Variants in SLC20A2 observed in about 807,000 individuals in gnomAD.
SLC20A2 encodes sodium-dependent phosphate transporter 2.
In SLC20A2, 30 loss-of-function variants were observed where a neutral mutation model predicts 61.0. That is an observed-to-expected ratio of 0.49 (90% confidence interval 0.37 to 0.67). SLC20A2 has a LOEUF of 0.67. SLC20A2 is among the 30% of genes least tolerant of loss of function. The probability of loss-of-function intolerance (pLI) is 0.00; values close to 1 mark genes in which losing one functional copy is unlikely to be tolerated. For synonymous variants in SLC20A2, 351 were observed against 353.3 expected (o/e 0.99, Z 0.07); for missense variants, 626 against 866.4 (o/e 0.72, Z 3.48).
chr8:42,460,099 C>T, intron 4 of SLC20A2, 107 bp from the exon 5 acceptor site: 1 of 660,634 alleles, frequency 1.5e-6, no homozygotes. Context: ...TCTTCCCAAA[C>T]CCCAGTGTGG....
intron 1 of SLC20A2, among the ~76,000 whole-genome samples, chr8:42,525,978 G>C (rs954362543): frequency 6.6e-6 from 1 of 152,178 alleles, no homozygotes; most frequent in Non-Finnish European, 1.5e-5. Context: ...GATAGATACA[G>C]CTCCTGTACA....
At chr8:42,517,083 G>A (rs1032945431) in intron 1 of SLC20A2, among the ~76,000 whole-genome samples, 3 of 152,116 alleles carry the variant, frequency 2.0e-5, no homozygotes, top group African/African-American at 7.2e-5. Context: ...AACCTATTCA[G>A]ATCATTCTGA....
chr8:42,454,952 G>A (rs1034927099), intron 5 of SLC20A2, among the ~76,000 whole-genome samples: 1 of 151,914 alleles, frequency 6.6e-6, no homozygotes, highest in African/African-American at 2.4e-5. Flanking sequence ...ATAGCTGGGC[G>A]CGGTGGCTCA....
rs900251578 is a variant in SLC20A2, at chr8:42,530,872, C to T, written c.-265+10949G>A. Among the ~76,000 whole-genome samples the T allele has an allele frequency of 4.2e-4, 64 of 152,116 alleles. 2 individuals carry two copies. Among genetic ancestry groups the T allele is most frequent in the Admixed American group, 1.4e-3 (21 of 15,258 alleles). On this transcript the variant is annotated intron_variant, in intron 1 of 10. Transcript: ENST00000342228. ...CTGGGATTACAGATGCCCGCCACCA[C>T]GCCTTGCTAATTTTCTTTGTATTTT...
chr8:42,499,188 C>A (rs1810156723), intron 1 of SLC20A2, among the ~76,000 whole-genome samples: 1 of 152,212 alleles, frequency 6.6e-6, no homozygotes, highest in Middle Eastern at 3.4e-3. Flanking sequence ...ACTCCTCCTG[C>A]GGCCACAAAG....
At chr8:42,465,058 C>T (rs947962671) in intron 3 of SLC20A2, among the ~76,000 whole-genome samples, 3 of 151,888 alleles carry the variant, frequency 2.0e-5, no homozygotes, top group Non-Finnish European at 2.9e-5. Context: ...TTACTCATAC[C>T]ATCTACGTCT....
chr8:42,443,523 G>T (rs1804967029), intron 6 of SLC20A2, among the ~76,000 whole-genome samples: 1 of 151,646 alleles, frequency 6.6e-6, no homozygotes, highest in African/African-American at 2.4e-5. Context: ...TATTTACCTT[G>T]TTGGTTAGGC....
At chr8:42,438,598 G>A (rs929918816) in intron 7 of SLC20A2, among the ~76,000 whole-genome samples, 1 of 152,242 alleles carries the variant, frequency 6.6e-6, no homozygotes, top group East Asian at 1.9e-4. Flanking sequence ...GCAGGTGCCA[G>A]AACCCACCTT....
At chr8:42,448,250 A>G (rs1805383256) in intron 5 of SLC20A2, among the ~76,000 whole-genome samples, 1 of 152,262 alleles carries the variant, frequency 6.6e-6, no homozygotes, top group African/African-American at 2.4e-5. Context: ...CTTTCGGCTT[A>G]GCGCTACTGC....
intron 1 of SLC20A2, among the ~76,000 whole-genome samples, chr8:42,514,751 CTGTT>C (rs1239962472): frequency 6.9e-6 from 1 of 145,890 alleles, no homozygotes; most frequent in African/African-American, 2.6e-5. Flanking sequence ...GAGTAATACT[CTGTT>C]TGAAAAAAAA....
chr8:42,457,823 C>T (rs1806336742), intron 5 of SLC20A2, among the ~76,000 whole-genome samples: 2 of 152,066 alleles, frequency 1.3e-5, no homozygotes, highest in Non-Finnish European at 2.9e-5. Context: ...CTGAACACTA[C>T]ACAGATACCA....
Position 42,472,185 on chromosome 8 carries a change from G to A in SLC20A2, c.206C>T (p.Thr69Ile). 1.2e-6 allele frequency: 2 copies of A among 1,614,112 alleles called. No individual in the cohort carries two copies. The highest frequency in any genetic ancestry group is 1.7e-6 in the Non-Finnish European group (2 of 1,180,024). The change falls in exon 2 of 11, where the codon ACC becomes ATC. Residue 69 changes from threonine (T) to isoleucine (I), a missense_variant. This residue lies in a region of SLC20A2 where 127 missense variants were observed against 215.4 expected (regional missense o/e 0.59). Transcript: ENST00000520262. This position sits in a 1 kb window ranked among gnomAD's most constrained non-coding sequence, Gnocchi z 4.1. ...SVLLGAKVGETIRKGIIDVNL... is the reference protein window; with the variant it reads ...SVLLGAKVGEIIRKGIIDVNL... ...CACGTCAATGATACCTTTGCGAATG[G>A]TTTCTCCTACTTTGGCGCCTAGTAA...
At chr8:42,528,127 A>G (rs1812092195) in intron 1 of SLC20A2, among the ~76,000 whole-genome samples, 1 of 152,208 alleles carries the variant, frequency 6.6e-6, no homozygotes, top group African/African-American at 2.4e-5. Context: ...AAAGGTGTAT[A>G]CCACAGGATA....
chr8:42,439,545 T>A lies in SLC20A2; in HGVS notation c.839A>T (p.Asn280Ile). The change falls in exon 7 of 11, where the codon AAT becomes ATT. Residue 280 changes from asparagine (N) to isoleucine (I), a missense_variant. Physicochemically the swap from Asn to Ile is moderately radical, Grantham distance 149. Coordinates refer to ENST00000520262, the MANE Select transcript of SLC20A2 (RefSeq NM_001257180.2). ...VFKELPGAKA[N>I]DDSTIPLTGA... is the part of the protein sequence containing the mutation. ...CGTGAGCGGGATGGTGCTGTCATCA[T>A]TAGCCTTGGCACCTGGTAGCTCTTT... 1.2e-6 allele frequency: 2 copies of A among 1,614,196 alleles called. No individual in the cohort carries two copies. The highest frequency in any genetic ancestry group is 4.5e-5 in the East Asian group (2 of 44,886).
At position 42,465,921 on chromosome 8, in the gene SLC20A2, C is replaced by T. The variant is rs765299901; in HGVS notation, c.290-4G>A. On this transcript the variant is annotated splice_region_variant and splice_polypyrimidine_tract_variant and intron_variant, in intron 2 of 10. Transcript: ENST00000520262. ...ATCAGCTGCCACACAGCGGAACCTA[C>T]AGATTGAAGGACAAAAAACCATCAG... 1.2e-6 allele frequency: 2 copies of T among 1,608,084 alleles called. No individual in the cohort carries two copies. The highest frequency in any genetic ancestry group is 1.7e-6 in the Non-Finnish European group (2 of 1,178,472).
intron 1 of SLC20A2, among the ~76,000 whole-genome samples, chr8:42,487,850 C>A (rs1273981677): frequency 6.6e-6 from 1 of 152,146 alleles, no homozygotes. Flanking sequence ...CCACAGAACT[C>A]CTTTCATTTT....
At chr8:42,495,137 G>A (rs529061690) in intron 1 of SLC20A2, among the ~76,000 whole-genome samples, 271 of 152,168 alleles carry the variant, frequency 1.8e-3, no homozygotes, top group African/African-American at 6.4e-3. Context: ...TTAAAGCCAT[G>A]AGCCACTGCG....
At chr8:42,533,554 T>C (rs1812480263) in intron 1 of SLC20A2, among the ~76,000 whole-genome samples, 2 of 151,908 alleles carry the variant, frequency 1.3e-5, no homozygotes, top group African/African-American at 4.8e-5. Flanking sequence ...AGGTGGAGGT[T>C]ACAGAGTAGG....
At position 42,417,467 on chromosome 8, in the gene SLC20A2, A is replaced by G. The variant is rs1366759874; in HGVS notation, c.*336T>C. On this transcript the variant is annotated 3_prime_UTR_variant, in exon 11 of 11. Coordinates refer to ENST00000520262, the MANE Select transcript of SLC20A2 (RefSeq NM_001257180.2). ...TTTATTGAATATTGACTTCTAGGCA[A>G]TGATCTCCACTCCCAACTTGAATAT... 5.7e-6 allele frequency: 1 copy of G among 174,102 alleles called. No homozygotes were observed. The highest frequency in any genetic ancestry group is 1.4e-4 in the East Asian group (1 of 7,078). The allele number at this position is 174,102 out of a possible 1,614,324, so 10.8% of individuals were successfully genotyped here.
Sources: allele counts gnomAD v4.1 joint callset (sites outside exome capture counted in the v4.1 genomes callset), GRCh38; gene constraint gnomAD v4.1.1; regional missense constraint gnomAD v4.1.1; non-coding constraint Gnocchi (gnomAD v3.1); transcripts MANE v1.5; gene names NCBI Gene and HGNC (gene_info 2026-07-23, HGNC 2026-07-21).